MVK: variants seen among roughly 807,000 people sequenced by gnomAD.
MVK encodes the protein LH receptor mRNA-binding protein.
A neutral mutation model predicts 43.2 loss-of-function variants in MVK; 34 were observed. That is an observed-to-expected ratio of 0.79 (90% CI 0.60 to 1.05). The LOEUF (loss-of-function observed/expected upper bound fraction) is 1.05. Among genes scored for constraint, MVK ranks in the 50% least tolerant of loss-of-function variants. MVK has a pLI of 0.00. For missense variants in MVK, 395 were observed against 504.0 expected (o/e 0.78, Z 2.07); for synonymous variants, 190 against 219.8 (o/e 0.86, Z 1.20).
chr12:109,580,048 G>C, intron 4 of MVK, 102 bp downstream of exon 4: 1 of 1,543,082 alleles, frequency 6.5e-7, no homozygotes, highest in Non-Finnish European at 8.9e-7. Context: ...CTCTCTTCTA[G>C]AGCAGCAGCC....
chr12:109,576,274 T>A, intron 3 of MVK, 129 bp downstream of exon 3: 2 of 1,122,554 alleles, frequency 1.8e-6, no homozygotes, highest in Non-Finnish European at 2.6e-6. Context: ...CCTGACCTCA[T>A]AAAATTAGCT....
chr12:109,596,472 C>T lies in MVK; in HGVS notation c.1086C>T (p.Ser362=). The change falls in exon 11 of 11, where the codon AGC becomes AGT. Residue 362 remains serine (S), a synonymous_variant. Transcript: ENST00000228510. ...AGGCCACGAAGCAGGCCCTGACCAG[C>T]TGTGGCTTTGACTGCTTGGAAACCA... The part of the protein sequence containing the change: ...EVEATKQALT[S]CGFDCLETSI... 6.2e-7 allele frequency: 1 copy of T among 1,613,686 alleles called. No homozygotes were observed. The highest frequency in any genetic ancestry group is 8.5e-7 in the Non-Finnish European group (1 of 1,179,966).
At position 109,586,059 on chromosome 12, in the gene MVK, G is replaced by T. The variant is rs1403009347; in HGVS notation, c.565G>T (p.Ala189Ser). Residue 189 changes from alanine to serine, a missense_variant, in exon 6 of 11, where the codon GCC becomes TCC. Coordinates refer to ENST00000228510, the MANE Select transcript of MVK (RefSeq NM_000431.4). Reference protein sequence around the residue: ...KEDLELINKWAFQGERMIHGN... With the variant: ...KEDLELINKWSFQGERMIHGN... ...GGATTTGGAGCTAATTAACAAGTGG[G>T]CCTTCCAAGGGGAGAGAATGATTCA... is the stretch of plus-strand genomic sequence containing the variant. 2 of 1,614,202 alleles carry T rather than the reference G, an allele frequency of 1.2e-6. No homozygotes were observed. The highest frequency in any genetic ancestry group is 3.3e-5 in the Admixed American group (2 of 60,034).
At position 109,596,428 on chromosome 12, in the gene MVK, C is replaced by T. The variant is rs530884983; in HGVS notation, c.1042C>T (p.Leu348=). The T allele has an allele frequency of 1.2e-6, 2 of 1,613,178 alleles. No individual in the cohort carries two copies. The highest frequency in any genetic ancestry group is 1.7e-5 in the Admixed American group (1 of 60,004). The change falls in exon 11 of 11, where the codon CTG becomes TTG. Residue 348 remains leucine (L), a splice_region_variant and synonymous_variant. Coordinates refer to ENST00000228510, the MANE Select transcript of MVK (RefSeq NM_000431.4). ...TGACCTGCCTTCCCTCCCCGCAGGG[C>T]TGGAGCAGCCAGAAGTGGAGGCCAC... ...GCGITLLKPG[L]EQPEVEATKQ... is the part of the protein sequence containing the mutation.
At chr12:109,583,161 A>G (rs1885300868) in intron 5 of MVK, among the ~76,000 whole-genome samples, 1 of 151,364 alleles carries the variant, frequency 6.6e-6, no homozygotes, top group South Asian at 2.1e-4. Context: ...GGTTAGTTAC[A>G]TATGTATACA....
chr12:109,586,267 G>A (rs973673952), intron 6 of MVK, 142 bp downstream of exon 6: 6 of 758,236 alleles, frequency 7.9e-6, no homozygotes, highest in Admixed American at 2.1e-5. Flanking sequence ...ATTTTGGGGG[G>A]AATGGGGAGA....
chr12:109,588,754 A>G (rs149599596), intron 7 of MVK: 1 of 152,358 alleles, frequency 6.6e-6, no homozygotes, highest in East Asian at 1.9e-4. Context: ...CGTGCTGAGT[A>G]CTGGGGCCTC....
intron 3 of MVK, among the ~76,000 whole-genome samples, chr12:109,577,112 G>C (rs1884992206): frequency 6.6e-6 from 1 of 152,132 alleles, no homozygotes; most frequent in African/African-American, 2.4e-5. Flanking sequence ...ATTGGGTCAG[G>C]CCATATAAAC....
At chr12:109,584,224 TATGTTAACTG>T (rs532913976) in intron 5 of MVK, among the ~76,000 whole-genome samples, 126 of 152,250 alleles carry the variant, frequency 8.3e-4, no homozygotes, top group Non-Finnish European at 1.6e-3. Context: ...TAATCAATAG[TATGTTAACTG>T]ATGTTAACTC....
chr12:109,581,816 T>G (rs548930717), intron 5 of MVK, among the ~76,000 whole-genome samples: 243 of 152,246 alleles, frequency 1.6e-3, no homozygotes, highest in African/African-American at 5.6e-3. Flanking sequence ...GCTCTGTTGG[T>G]TTCAAGCGCC....
Position 109,574,821 on chromosome 12 carries a change from C to G in MVK, c.-2C>G. On this transcript the variant is annotated 5_prime_UTR_variant, in exon 2 of 11. Coordinates refer to ENST00000228510, the MANE Select transcript of MVK (RefSeq NM_000431.4). ...CTTTCCCTTTTAGGATTCCCAGGAG[C>G]CATGTTGTCAGAAGTCCTACTGGTG... The G allele has an allele frequency of 6.3e-7, 1 of 1,599,730 alleles. No individual in the cohort carries two copies.
At chr12:109,574,229 TGTCCTGCAGAAATACTCATTTA>T (rs1884813290) in intron 1 of MVK, among the ~76,000 whole-genome samples, 1 of 152,236 alleles carries the variant, frequency 6.6e-6, no homozygotes, top group African/African-American at 2.4e-5. Context: ...TCTAGGACTC[TGTCCTGCAGAAATACTCATTTA>T]AGTGTGCAAA....
upstream of MVK, chr12:109,573,446 A>G (rs533819939): frequency 1.6e-5 from 25 of 1,608,488 alleles, no homozygotes; most frequent in South Asian, 2.5e-4. Flanking sequence ...ACGGCTCCCC[A>G]GGCCAAGACG....
Position 109,576,111 on chromosome 12 carries a change from G to A in MVK, c.192G>A (p.Val64=), listed in dbSNP as rs1461424828. ...PNIGIKRAWD[V]ARLQSLDTSF... The stretch of plus-strand genomic sequence containing the variant: ...TTGGTATCAAGCGGGCCTGGGATGT[G>A]GCCAGGCTTCAGTCACTGGACACAA... Residue 64 remains valine, a synonymous_variant, in exon 3 of 11, where the codon GTG becomes GTA. Transcript: ENST00000228510. 1.2e-6 allele frequency: 2 copies of A among 1,614,180 alleles called. No individual in the cohort carries two copies. Among genetic ancestry groups the A allele is most frequent in the Admixed American group, 1.7e-5 (1 of 60,022 alleles).
At chr12:109,581,613 C>A in intron 5 of MVK, 63 bp downstream of exon 5, 1 of 1,609,392 alleles carries the variant, frequency 6.2e-7, no homozygotes, top group South Asian at 1.1e-5. Context: ...CGTGGCTTCT[C>A]TCACTGAGAC....
chr12:109,579,476 G>C (rs1179035324), intron 3 of MVK, among the ~76,000 whole-genome samples: 1 of 152,164 alleles, frequency 6.6e-6, no homozygotes, highest in Non-Finnish European at 1.5e-5. Flanking sequence ...CTACATGCCA[G>C]GTGCTGTGCT....
rs1272967886 is a variant in MVK at position 109,595,768 on chromosome 12, C to T, written c.1039+587C>T. On this transcript the variant is annotated intron_variant, in intron 10 of 10. Transcript: ENST00000228510. This position sits in a 1 kb window ranked among gnomAD's most constrained non-coding sequence, Gnocchi z 5.9. Reference sequence around the variant, plus strand: ...CGGTCCCACCTGCCTCCATTTCCCTCTGTGCTCCTTGTCCCCTCCTTCCTT... The same window carrying T: ...CGGTCCCACCTGCCTCCATTTCCCTTTGTGCTCCTTGTCCCCTCCTTCCTT... 6.6e-6 allele frequency among the ~76,000 whole-genome samples: 1 copy of T among 152,228 alleles called. No homozygotes were observed. The highest frequency in any genetic ancestry group is 1.5e-5 in the Non-Finnish European group (1 of 68,036).
chr12:109,593,828 G>A (rs1353066569), intron 9 of MVK, among the ~76,000 whole-genome samples: 4 of 146,658 alleles, frequency 2.7e-5, no homozygotes, highest in Admixed American at 1.4e-4. Context: ...AATGATCCTC[G>A]TGCCGCAGCC....
chr12:109,579,893 C>T lies in MVK; in HGVS notation c.318C>T (p.Arg106=). Residue 106 remains arginine (R), a synonymous_variant, in exon 4 of 11, where the codon CGC becomes CGT. Transcript: ENST00000228510. ...CTGACGACTGTGCTGTCACCGAGCG[C>T]CTGGCTGTGCTGGCCTTTCTTTACT... is the stretch of plus-strand genomic sequence containing the variant. ...GLPDDCAVTE[R]LAVLAFLYLY... 6.2e-7 allele frequency: 1 copy of T among 1,614,248 alleles called. No homozygotes were observed. Among genetic ancestry groups the T allele is most frequent in the Non-Finnish European group, 8.5e-7 (1 of 1,180,046 alleles).
Sources: allele counts gnomAD v4.1 joint callset (sites outside exome capture counted in the v4.1 genomes callset), GRCh38; gene constraint gnomAD v4.1.1; non-coding constraint Gnocchi (gnomAD v3.1); transcripts MANE v1.5; gene names NCBI Gene and HGNC (gene_info 2026-07-23, HGNC 2026-07-21).